Variants in UNC79 observed in about 807,000 individuals in gnomAD.
UNC79 encodes the protein protein unc-79 homolog.
UNC79 carries 37 observed loss-of-function variants against 283.1 expected under a neutral mutation model. The ratio of observed to expected loss-of-function variants is 0.13; its 90% CI spans 0.10 to 0.17. UNC79 has a LOEUF of 0.17. UNC79 is among the 10% of genes least tolerant of loss of function. The pLI is 1.00. For missense variants in UNC79, 2,272 were observed against 3,211.1 expected (o/e 0.71, Z 7.07); for synonymous variants, 1,107 against 1,200.2 (o/e 0.92, Z 1.61).
chr14:93,566,008 G>A (rs1321234220), intron 14 of UNC79, among the ~76,000 whole-genome samples: 3 of 152,172 alleles, frequency 2.0e-5, no homozygotes, highest in African/African-American at 7.2e-5. Flanking sequence ...ACAAATAGGG[G>A]ACAGGAGAGG....
intron 7 of UNC79, among the ~76,000 whole-genome samples, chr14:93,523,474 C>T (rs116576636): frequency 4.8e-4 from 73 of 152,114 alleles, no homozygotes; most frequent in Middle Eastern, 3.4e-3. Context: ...CAATTTAAAA[C>T]GCTTACTGGT....
At position 93,706,714 on chromosome 14, in the gene UNC79, C is replaced by T. The variant is rs771316289; in HGVS notation, c.7601C>T (p.Ala2534Val). 16 of 1,614,176 alleles carry T rather than the reference C, an allele frequency of 9.9e-6. 1 individual carries two copies. In the South Asian group the frequency reaches 1.1e-4, roughly 11 times the overall value. Residue 2534 changes from alanine to valine, a missense_variant, in exon 49 of 49, where the codon GCG becomes GTG. This residue lies in a region of UNC79 where 225 missense variants were observed against 334.2 expected (regional missense o/e 0.67). Coordinates refer to ENST00000555664, the Ensembl canonical transcript of UNC79. ...GCCCTTTTTCGACAGCACTTATCTGCGGGACTCCAGCTTCGCCTCCAGGCT... is the reference window on the plus strand; with the variant it reads ...GCCCTTTTTCGACAGCACTTATCTGTGGGACTCCAGCTTCGCCTCCAGGCT...
intron 10 of UNC79, among the ~76,000 whole-genome samples, chr14:93,529,615 C>G (rs1191934321): frequency 9.9e-5 from 15 of 152,272 alleles, no homozygotes; most frequent in Non-Finnish European, 1.3e-4. Flanking sequence ...TTTTCTGTAT[C>G]TGTAACAGGT....
At chr14:93,386,463 G>A (rs2054776728) in intron 1 of UNC79, among the ~76,000 whole-genome samples, 1 of 152,288 alleles carries the variant, frequency 6.6e-6, no homozygotes, top group African/African-American at 2.4e-5. Context: ...TGGTTTTGAT[G>A]TCAGTGTAAT....
chr14:93,556,283 A>G (rs1401274344), intron 14 of UNC79, among the ~76,000 whole-genome samples: 3 of 152,144 alleles, frequency 2.0e-5, no homozygotes, highest in Non-Finnish European at 4.4e-5. Flanking sequence ...GTAAACACAA[A>G]AAAAAAGGAG....
At chr14:93,544,548 C>A (rs1951715) in intron 14 of UNC79, among the ~76,000 whole-genome samples, 131,549 of 152,212 alleles carry the variant, frequency 0.86, 56,934 homozygotes, top group East Asian at 0.94. Context: ...CTTTAAAATA[C>A]TCTTTATACC....
chr14:93,423,062 C>CAAAAAAAAAAAAAAAAA (rs71129634), intron 1 of UNC79, among the ~76,000 whole-genome samples: 5 of 77,292 alleles, frequency 6.5e-5, no homozygotes, highest in Admixed American at 1.4e-4. Flanking sequence ...GACTCTGTCT[C>CAAAAAAAAAAAAAAAAA]AAAAAAAAAA....
At chr14:93,646,724 G>A in intron 35 of UNC79, 78 bp downstream of exon 38, 1 of 1,514,406 alleles carries the variant, frequency 6.6e-7, no homozygotes, top group Non-Finnish European at 9.1e-7. Flanking sequence ...AAACACCAGT[G>A]TGGGGCTGGG....
At chr14:93,592,704 C>T (rs1020355922) in intron 22 of UNC79, among the ~76,000 whole-genome samples, 3 of 151,378 alleles carry the variant, frequency 2.0e-5, no homozygotes, top group African/African-American at 7.3e-5. Context: ...AAAACAACAA[C>T]AAAAACAACC....
exon 24 of UNC79, chr14:93,597,366 A>G: frequency 6.2e-7 from 1 of 1,613,936 alleles, no homozygotes; most frequent in Non-Finnish European, 8.5e-7. Flanking sequence ...CAGTGGAAAA[A>G]GTTGCTGTAA....
intron 8 of UNC79, among the ~76,000 whole-genome samples, chr14:93,525,767 C>T (rs1471678016): frequency 1.3e-5 from 2 of 152,098 alleles, no homozygotes. Context: ...CTGGTTTCTG[C>T]AGTTATTTTT....
chr14:93,426,492 ATTATATG>A (rs1762868878), upstream of UNC79, among the ~76,000 whole-genome samples: 1 of 151,210 alleles, frequency 6.6e-6, no homozygotes, highest in African/African-American at 2.4e-5. Context: ...TGTGAGTATA[ATTATATG>A]TTATAACTTT....
chr14:93,523,958 A>T lies in UNC79; in HGVS notation c.899-20A>T. ...ATAATTTCAATGAGAAGTATTCATC[A>T]GCTGTGCTTTACTTTACAGCTTGGA... On this transcript the variant is annotated intron_variant, in intron 7 of 48. Coordinates refer to ENST00000555664, the Ensembl canonical transcript of UNC79. The T allele has an allele frequency of 6.2e-7, 1 of 1,613,452 alleles. No individual in the cohort carries two copies. The highest frequency in any genetic ancestry group is 8.5e-7 in the Non-Finnish European group (1 of 1,179,478).
At chr14:93,355,174 C>A (rs562418473) in intron 1 of UNC79, among the ~76,000 whole-genome samples, 2 of 151,942 alleles carry the variant, frequency 1.3e-5, no homozygotes, top group African/African-American at 4.8e-5. Flanking sequence ...GGATTACAGG[C>A]GCCTGCCACC....
At chr14:93,442,286 T>A (rs1256141582) in intron 1 of UNC79, among the ~76,000 whole-genome samples, 4 of 152,170 alleles carry the variant, frequency 2.6e-5, no homozygotes, top group African/African-American at 9.6e-5. Context: ...TTTTGTTCCA[T>A]TGTTTGGCAT....
At chr14:93,339,509 C>A (rs2053655809) in intron 1 of UNC79, among the ~76,000 whole-genome samples, 1 of 152,146 alleles carries the variant, frequency 6.6e-6, no homozygotes, top group Non-Finnish European at 1.5e-5. Flanking sequence ...CCATGTTGGC[C>A]AGGCTGGTTT....
intron 40 of UNC79, among the ~76,000 whole-genome samples, chr14:93,663,059 G>A (rs985637587): frequency 6.6e-6 from 1 of 152,062 alleles, no homozygotes; most frequent in East Asian, 1.9e-4. Flanking sequence ...TGATTAGTGG[G>A]GCAAGGCATC....
chr14:93,423,778 G>A (rs2055662470), intron 1 of UNC79, among the ~76,000 whole-genome samples: 1 of 152,026 alleles, frequency 6.6e-6, no homozygotes, highest in Non-Finnish European at 1.5e-5. Flanking sequence ...AAAACTTTGG[G>A]GAAAATTTCT....
chr14:93,546,034 G>C (rs1410944484), intron 14 of UNC79, among the ~76,000 whole-genome samples: 4 of 152,176 alleles, frequency 2.6e-5, no homozygotes, highest in Admixed American at 6.5e-5. Flanking sequence ...CATGGCTCCA[G>C]GTGGAGCCAT....
Sources: gnomAD v4.1 joint callset for allele counts (sites outside exome capture counted in the v4.1 genomes callset) on GRCh38, gnomAD v4.1.1 for gene constraint, gnomAD v4.1.1 regional missense constraint, MANE v1.5 for transcripts, NCBI Gene and HGNC (gene_info 2026-07-23, HGNC 2026-07-21) for gene names.